The following CNTNAP4 variants were observed in gnomAD, a reference collection of about 807,000 sequenced individuals.
The protein encoded by CNTNAP4 is contactin-associated protein-like 4.
Under a neutral mutation model 148.4 loss-of-function variants are expected in CNTNAP4, and 98 were observed. That is an observed-to-expected ratio of 0.66 (90% CI 0.56 to 0.78). The LOEUF (loss-of-function observed/expected upper bound fraction) is 0.78. Ranked by LOEUF, CNTNAP4 falls within the 30% of genes least tolerant of loss-of-function variation. The pLI is 0.00. For synonymous variants in CNTNAP4, 730 were observed against 565.1 expected, an observed-to-expected ratio of 1.29 and a Z score of -4.14; for missense variants, 1,935 against 1,565.6, an observed-to-expected ratio of 1.24 and a Z score of -3.98.
chr16:76,479,325 T>G, intron 11 of CNTNAP4, 94 bp from the exon 12 acceptor site: 1 of 1,181,098 alleles, frequency 8.5e-7, no homozygotes. Context: ...AATGTACATT[T>G]TAAATTTCAA....
intron 13 of CNTNAP4, among the ~76,000 whole-genome samples, chr16:76,492,874 T>A (rs753765759): frequency 1.3e-5 from 2 of 151,992 alleles, no homozygotes; most frequent in Non-Finnish European, 2.9e-5. Flanking sequence ...GTTAGCAGCA[T>A]GAAGGCAGAC....
chr16:76,316,369 C>T (rs1384536866), intron 1 of CNTNAP4, 44 bp from the exon 2 acceptor site: 1 of 1,302,276 alleles, frequency 7.7e-7, no homozygotes, highest in Non-Finnish European at 1.1e-6. Context: ...CCACGAAAGC[C>T]TCAGCACTAA....
At chr16:76,522,733 TTTCTTTTC>T (rs1568498093) in intron 17 of CNTNAP4, among the ~76,000 whole-genome samples, 1 of 100,826 alleles carries the variant, frequency 9.9e-6, no homozygotes, top group Non-Finnish European at 2.0e-5. Flanking sequence ...TTTCTTTTCT[TTTCTTTTC>T]TTTTCTTTTC....
chr16:76,294,574 G>A (rs1312554077), intron 1 of CNTNAP4, among the ~76,000 whole-genome samples: 1 of 152,118 alleles, frequency 6.6e-6, no homozygotes, highest in African/African-American at 2.4e-5. Flanking sequence ...AACTAAATAT[G>A]TTAAAAAATT....
chr16:76,386,218 T>A (rs1291053862), intron 3 of CNTNAP4, among the ~76,000 whole-genome samples: 1 of 152,212 alleles, frequency 6.6e-6, no homozygotes, highest in Non-Finnish European at 1.5e-5. Context: ...GAACTGTAAT[T>A]TACTATTTGC....
At chr16:76,551,324 G>T (rs1239493218) in intron 21 of CNTNAP4, among the ~76,000 whole-genome samples, 2 of 151,676 alleles carry the variant, frequency 1.3e-5, no homozygotes, top group Non-Finnish European at 2.9e-5. Flanking sequence ...CTTGAGCCTG[G>T]GAGGCAAAAG....
intron 2 of CNTNAP4, among the ~76,000 whole-genome samples, chr16:76,326,300 T>C (rs1257559776): frequency 6.6e-6 from 1 of 152,146 alleles, no homozygotes; most frequent in Non-Finnish European, 1.5e-5. Flanking sequence ...TCAGCTGGAA[T>C]GTACATGTGC....
At chr16:76,428,939 G>A (rs1440746849) in intron 4 of CNTNAP4, among the ~76,000 whole-genome samples, 4 of 152,102 alleles carry the variant, frequency 2.6e-5, no homozygotes, top group African/African-American at 7.2e-5. Flanking sequence ...CTAAAGCTTA[G>A]AGAGGTTGAC....
intron 3 of CNTNAP4, among the ~76,000 whole-genome samples, chr16:76,406,159 G>T (rs757650258): frequency 2.2e-4 from 33 of 152,268 alleles, no homozygotes; most frequent in South Asian, 1.2e-3. Context: ...TTGTGTCTCT[G>T]TGTCACATTT....
At chr16:76,288,444 C>T (rs578168702) in intron 1 of CNTNAP4, among the ~76,000 whole-genome samples, 3 of 152,174 alleles carry the variant, frequency 2.0e-5, no homozygotes, top group African/African-American at 7.2e-5. Flanking sequence ...ATCTGTTGTT[C>T]CCTTTGCGTA....
intron 3 of CNTNAP4, among the ~76,000 whole-genome samples, chr16:76,427,138 C>G (rs886555100): frequency 3.9e-5 from 6 of 152,146 alleles, no homozygotes; most frequent in Admixed American, 1.3e-4. Context: ...ATGTTAAGTG[C>G]TACAGACATG....
chr16:76,504,303 G>C (rs567956853), intron 15 of CNTNAP4, among the ~76,000 whole-genome samples: 1 of 151,970 alleles, frequency 6.6e-6, no homozygotes, highest in African/African-American at 2.4e-5. Flanking sequence ...ATGTATACAT[G>C]GTTGCTTGAC....
chr16:76,556,425 A>T (rs945552618), intron 23 of CNTNAP4, among the ~76,000 whole-genome samples: 2 of 152,230 alleles, frequency 1.3e-5, no homozygotes, highest in African/African-American at 4.8e-5. Context: ...AAATCCTGAC[A>T]TAGCACTTTC....
At chr16:76,496,085 T>TTGTGTG (rs5817999) in intron 14 of CNTNAP4, among the ~76,000 whole-genome samples, 2,438 of 140,122 alleles carry the variant, frequency 0.017, 56 homozygotes, top group African/African-American at 0.049. Flanking sequence ...CAAGATTATG[T>TTGTGTG]TGTGTGTGTG....
intron 10 of CNTNAP4, among the ~76,000 whole-genome samples, chr16:76,472,363 G>C (rs2081407043): frequency 6.6e-6 from 1 of 151,956 alleles, no homozygotes; most frequent in African/African-American, 2.4e-5. Context: ...AAGAAAAATT[G>C]ACTCAGTTGG....
At chr16:76,481,046 A>G (rs1289392416) in intron 12 of CNTNAP4, among the ~76,000 whole-genome samples, 1 of 152,204 alleles carries the variant, frequency 6.6e-6, no homozygotes, top group African/African-American at 2.4e-5. Flanking sequence ...AAGATAAACA[A>G]ATAAACCAAT....
At chr16:76,476,693 G>A (rs548652564) in intron 11 of CNTNAP4, among the ~76,000 whole-genome samples, 3 of 152,108 alleles carry the variant, frequency 2.0e-5, no homozygotes, top group Non-Finnish European at 4.4e-5. Flanking sequence ...GGTGAAAGGG[G>A]TGAGGGATTT....
chr16:76,423,985 C>T (rs2079285207), intron 3 of CNTNAP4, among the ~76,000 whole-genome samples: 2 of 152,024 alleles, frequency 1.3e-5, no homozygotes, highest in Non-Finnish European at 1.5e-5. Flanking sequence ...CTGGAATGTG[C>T]TGTAAGTCCC....
chr16:76,486,441 C>T (rs2082028554), intron 12 of CNTNAP4, among the ~76,000 whole-genome samples: 1 of 152,140 alleles, frequency 6.6e-6, no homozygotes, highest in African/African-American at 2.4e-5. Context: ...ACACTGGATT[C>T]ATCCATGGTG....
Sources: gnomAD v4.1 joint callset for allele counts (sites outside exome capture counted in the v4.1 genomes callset) on GRCh38, gnomAD v4.1.1 for gene constraint, MANE v1.5 for transcripts, NCBI Gene and HGNC (gene_info 2026-07-23, HGNC 2026-07-21) for gene names.